CDC42BPA: variants seen among roughly 807,000 people sequenced by gnomAD.
CDC42BPA encodes serine/threonine-protein kinase MRCK alpha.
A neutral mutation model predicts 223.5 loss-of-function variants in CDC42BPA; 80 were observed. The observed-to-expected ratio is 0.36, with a 90% CI of 0.30 to 0.43. The LOEUF is 0.43. Ranked by LOEUF, CDC42BPA falls within the 20% of genes least tolerant of loss-of-function variation. The probability of loss-of-function intolerance (pLI) is 1.00; values close to 1 mark genes in which losing one functional copy is unlikely to be tolerated. For synonymous variants in CDC42BPA, 694 were observed against 718.6 expected (o/e 0.97, Z 0.55); for missense variants, 1,743 against 2,099.9 (o/e 0.83, Z 3.32).
intron 2 of CDC42BPA, among the ~76,000 whole-genome samples, chr1:227,225,924 C>A (rs1360823361): frequency 1.3e-5 from 2 of 152,224 alleles, no homozygotes; most frequent in Admixed American, 6.5e-5. Flanking sequence ...CTTCCCTTTT[C>A]TGTAAAATTT....
chr1:227,145,576 C>G lies in CDC42BPA; in HGVS notation c.1056G>C (p.Arg352=). The G allele has an allele frequency of 6.2e-7, 1 of 1,613,608 alleles. No homozygotes were observed. Among genetic ancestry groups the G allele is most frequent in the Non-Finnish European group, 8.5e-7 (1 of 1,179,692 alleles). Reference sequence around the variant, plus strand: ...CTGGAATATAAGGTGCTTCACAGTTCCGAATATTATCCCAATCAATTCCAC... The same window carrying G: ...CTGGAATATAAGGTGCTTCACAGTTGCGAATATTATCCCAATCAATTCCAC... ...FFSGIDWDNI[R]NCEAPYIPEV... Residue 352 remains arginine, a synonymous_variant, in exon 8 of 37, where the codon CGG becomes CGC. Coordinates refer to ENST00000366766, the MANE Select transcript of CDC42BPA (RefSeq NM_001394014.1).
At chr1:227,090,741 G>A (rs537712870) in intron 16 of CDC42BPA, among the ~76,000 whole-genome samples, 2 of 152,280 alleles carry the variant, frequency 1.3e-5, no homozygotes, top group African/African-American at 4.8e-5. Context: ...AACCCAGGAG[G>A]CGGAAGTTGC....
At chr1:227,295,477 A>T (rs77201522) in intron 1 of CDC42BPA, among the ~76,000 whole-genome samples, 22,733 of 152,014 alleles carry the variant, frequency 0.15, 2,038 homozygotes, top group African/African-American at 0.24. Flanking sequence ...AAAAAAATTT[A>T]AATTAAGTAT....
chr1:227,249,311 C>A (rs982218374), intron 2 of CDC42BPA, among the ~76,000 whole-genome samples: 5 of 152,174 alleles, frequency 3.3e-5, no homozygotes. Context: ...AAGTCTAATA[C>A]CTCAAAGTAT....
At chr1:227,032,084 CTG>C (rs1669398987) in intron 27 of CDC42BPA, among the ~76,000 whole-genome samples, 1 of 152,156 alleles carries the variant, frequency 6.6e-6, no homozygotes, top group Non-Finnish European at 1.5e-5. Flanking sequence ...AATATATTCT[CTG>C]TTACTTCACA....
intron 3 of CDC42BPA, among the ~76,000 whole-genome samples, chr1:227,208,489 G>A (rs901061833): frequency 1.8e-4 from 27 of 147,434 alleles, no homozygotes; most frequent in African/African-American, 6.5e-4. Context: ...ATGGTTTTAG[G>A]TCTAACGTTT....
At chr1:227,045,424 A>C (rs1443360867) in intron 23 of CDC42BPA, among the ~76,000 whole-genome samples, 1 of 152,196 alleles carries the variant, frequency 6.6e-6, no homozygotes, top group African/African-American at 2.4e-5. Context: ...GAAAACTCAC[A>C]CAATGATGTG....
At chr1:227,165,422 T>C (rs1664858196) in intron 5 of CDC42BPA, among the ~76,000 whole-genome samples, 1 of 152,150 alleles carries the variant, frequency 6.6e-6, no homozygotes, top group South Asian at 2.1e-4. Context: ...AATGTACTGT[T>C]AGGCATTTAG....
chr1:227,282,228 G>A (rs530426263), intron 1 of CDC42BPA, among the ~76,000 whole-genome samples: 63 of 150,472 alleles, frequency 4.2e-4, no homozygotes, highest in South Asian at 8.4e-4. Flanking sequence ...AATTTTAAGT[G>A]AATTAGAGTA....
At chr1:227,032,797 C>T (rs921413028) in intron 27 of CDC42BPA, among the ~76,000 whole-genome samples, 1 of 152,136 alleles carries the variant, frequency 6.6e-6, no homozygotes, top group Non-Finnish European at 1.5e-5. Flanking sequence ...AGCCAGCACC[C>T]AGATGTAAGA....
chr1:227,212,469 T>C (rs965539819), intron 3 of CDC42BPA, among the ~76,000 whole-genome samples: 1 of 152,154 alleles, frequency 6.6e-6, no homozygotes, highest in Non-Finnish European at 1.5e-5. Context: ...TCTGCTTCCC[T>C]GAAGCCCCAG....
chr1:227,210,541 A>G (rs573323960), intron 3 of CDC42BPA, among the ~76,000 whole-genome samples: 1 of 152,318 alleles, frequency 6.6e-6, no homozygotes, highest in Admixed American at 6.5e-5. Flanking sequence ...ATTGAATAAA[A>G]TATTTGATTT....
chr1:227,168,497 G>GTTTTTTTTTTTTT (rs1292387936), intron 5 of CDC42BPA, among the ~76,000 whole-genome samples: 856 of 80,116 alleles, frequency 0.011, 66 homozygotes, highest in South Asian at 0.015. Flanking sequence ...CTTCCCTGGT[G>GTTTTTTTTTTTTT]TTTTTTTTTT....
chr1:227,031,955 A>G (rs2148670514), intron 27 of CDC42BPA, among the ~76,000 whole-genome samples: 1 of 152,290 alleles, frequency 6.6e-6, no homozygotes, highest in Middle Eastern at 3.4e-3. Context: ...ATGGTGATGC[A>G]AAGAAATTAA....
chr1:227,271,124 T>C (rs1022517548), intron 1 of CDC42BPA, among the ~76,000 whole-genome samples: 3 of 152,160 alleles, frequency 2.0e-5, no homozygotes, highest in African/African-American at 7.2e-5. Context: ...TATATAATAC[T>C]TAATGTGATA....
chr1:227,178,823 T>C (rs918365807), intron 5 of CDC42BPA, among the ~76,000 whole-genome samples: 2 of 152,126 alleles, frequency 1.3e-5, no homozygotes, highest in Non-Finnish European at 2.9e-5. Context: ...AGCATGAAAA[T>C]GGACTAAATA....
At chr1:227,231,113 C>T (rs962037032) in intron 2 of CDC42BPA, among the ~76,000 whole-genome samples, 15 of 150,600 alleles carry the variant, frequency 1.0e-4, no homozygotes, top group African/African-American at 3.2e-4. Flanking sequence ...TTAGGTATAT[C>T]TCCTAATGCT....
intron 11 of CDC42BPA, among the ~76,000 whole-genome samples, chr1:227,128,449 C>T (rs1247527187): frequency 2.0e-5 from 3 of 152,082 alleles, no homozygotes; most frequent in Non-Finnish European, 2.9e-5. Flanking sequence ...TATATATTTA[C>T]TGGTTTCTGT....
chr1:227,176,959 C>T (rs1261812475), intron 5 of CDC42BPA, among the ~76,000 whole-genome samples: 2 of 151,410 alleles, frequency 1.3e-5, no homozygotes, highest in Admixed American at 1.3e-4. Flanking sequence ...TCCACTGGCT[C>T]TTTATGCCCC....
Sources: allele counts gnomAD v4.1 joint callset (sites outside exome capture counted in the v4.1 genomes callset), GRCh38; gene constraint gnomAD v4.1.1; transcripts MANE v1.5; gene names NCBI Gene and HGNC (gene_info 2026-07-23, HGNC 2026-07-21).